SORCS2: variants seen among roughly 807,000 people sequenced by gnomAD.
The protein encoded by SORCS2 is sortilin related VPS10 domain containing receptor 2, also known as VPS10 domain-containing receptor SorCS2.
Under a neutral mutation model 141.6 loss-of-function variants are expected in SORCS2, and 100 were observed. The observed-to-expected ratio is 0.71, with a 90% confidence interval of 0.60 to 0.83. The LOEUF (loss-of-function observed/expected upper bound fraction) is 0.83, where lower values mean the gene tolerates loss of function less well. Among genes scored for constraint, SORCS2 ranks in the 40% least tolerant of loss-of-function variants. The pLI is 0.00. For missense variants in SORCS2, 1,646 were observed against 1,560.2 expected (o/e 1.05, Z -0.93); for synonymous variants, 789 against 676.9 (o/e 1.17, Z -2.57).
chr4:7,382,068 A>G, intron 1 of SORCS2: 1 of 802,088 alleles, frequency 1.2e-6, no homozygotes, highest in Non-Finnish European at 1.5e-6. Flanking sequence ...AGGCCCAGGC[A>G]TGAGGGGCTC....
chr4:7,428,393 G>A (rs922172839), intron 2 of SORCS2, among the ~76,000 whole-genome samples: 1 of 152,208 alleles, frequency 6.6e-6, no homozygotes, highest in African/African-American at 2.4e-5. Context: ...CTCTGTCTTG[G>A]TGACAGGACT....
intron 1 of SORCS2, among the ~76,000 whole-genome samples, chr4:7,227,596 G>A (rs1424963724): frequency 6.6e-6 from 1 of 152,224 alleles, no homozygotes; most frequent in Non-Finnish European, 1.5e-5. Flanking sequence ...CACACCTGGC[G>A]CCCCTCTGTG....
chr4:7,700,712 G>A lies in SORCS2; in HGVS notation c.1669-2568G>A, dbSNP rs528160941. Reference sequence around the variant, plus strand: ...ACTCCCCTGCCCCCGCTCCACCCCCGGGGGCAGACAGGGCCGTGAACCTCG... The same window carrying A: ...ACTCCCCTGCCCCCGCTCCACCCCCAGGGGCAGACAGGGCCGTGAACCTCG... On this transcript the variant is annotated intron_variant, in intron 12 of 26. Coordinates refer to ENST00000507866, the MANE Select transcript of SORCS2 (RefSeq NM_020777.3). Among the ~76,000 whole-genome samples, 6 of 152,276 alleles carry A rather than the reference G, an allele frequency of 3.9e-5. No individual in the cohort carries two copies. In the East Asian group the frequency reaches 5.8e-4, roughly 15 times the overall value.
At position 7,648,565 on chromosome 4, in the gene SORCS2, G is replaced by T. The variant is rs2108886870; in HGVS notation, c.814-5569G>T. 6.6e-6 allele frequency among the ~76,000 whole-genome samples: 1 copy of T among 152,222 alleles called. No homozygotes were observed. The highest frequency in any genetic ancestry group is 1.9e-4 in the East Asian group (1 of 5,152). Reference sequence around the variant, plus strand: ...ACAGACCAACCCCTGCCCTCGTGGGGCCTCCTTTCTAGATGAGGATGGGGG... The same window carrying T: ...ACAGACCAACCCCTGCCCTCGTGGGTCCTCCTTTCTAGATGAGGATGGGGG... On this transcript the variant is annotated intron_variant, in intron 4 of 26. Transcript: ENST00000507866. The surrounding 1 kb of genome is among the most constrained non-coding windows in gnomAD (Gnocchi z 4.2).
intron 2 of SORCS2, among the ~76,000 whole-genome samples, chr4:7,447,677 G>T (rs1728086431): frequency 6.6e-6 from 1 of 152,300 alleles, no homozygotes; most frequent in Non-Finnish European, 1.5e-5. Flanking sequence ...GGGTCCTCCA[G>T]GCTCAGCAGC....
intron 1 of SORCS2, among the ~76,000 whole-genome samples, chr4:7,290,280 T>C (rs1315944163): frequency 1.3e-5 from 2 of 152,158 alleles, no homozygotes; most frequent in Non-Finnish European, 2.9e-5. Context: ...GGCTGGCTGC[T>C]CTCTGAGTAG....
intron 2 of SORCS2, among the ~76,000 whole-genome samples, chr4:7,517,289 C>T (rs757165570): frequency 5.9e-5 from 9 of 152,248 alleles, no homozygotes; most frequent in East Asian, 1.9e-4. Flanking sequence ...CACAATCGCA[C>T]GACTCGAAGC....
At chr4:7,542,116 A>C (rs1041710577) in intron 3 of SORCS2, among the ~76,000 whole-genome samples, 10 of 152,194 alleles carry the variant, frequency 6.6e-5, no homozygotes, top group Non-Finnish European at 1.0e-4. Context: ...GCCAAACCAA[A>C]GGGGCCCATT....
intron 25 of SORCS2, among the ~76,000 whole-genome samples, chr4:7,736,635 G>A (rs555540973): frequency 3.3e-5 from 5 of 152,280 alleles, no homozygotes; most frequent in African/African-American, 7.2e-5. Context: ...CCCCCAGGAC[G>A]CCTGGATGGG....
chr4:7,417,771 C>G (rs1420380477), intron 2 of SORCS2, among the ~76,000 whole-genome samples: 2 of 152,320 alleles, frequency 1.3e-5, no homozygotes, highest in African/African-American at 4.8e-5. Context: ...ATGCAGAGAG[C>G]TGAGTCGCCC....
intron 1 of SORCS2, among the ~76,000 whole-genome samples, chr4:7,205,353 A>G (rs1264570304): frequency 6.6e-6 from 1 of 152,248 alleles, no homozygotes; most frequent in Non-Finnish European, 1.5e-5. Flanking sequence ...TCTCAGAATG[A>G]GGATTTTATA....
intron 3 of SORCS2, among the ~76,000 whole-genome samples, chr4:7,629,625 CT>C (rs1356385507): frequency 6.7e-6 from 1 of 148,856 alleles, no homozygotes; most frequent in African/African-American, 2.5e-5. Context: ...TAGGCCAGTT[CT>C]TTTTCCCACT....
At chr4:7,629,386 C>CGGATGTGGAACAAACAT (rs1289919633) in intron 3 of SORCS2, among the ~76,000 whole-genome samples, 1 of 152,088 alleles carries the variant, frequency 6.6e-6, no homozygotes, top group Non-Finnish European at 1.5e-5. Flanking sequence ...AGAGGGACCT[C>CGGATGTGGAACAAACAT]GGATGTGGAA....
intron 1 of SORCS2, among the ~76,000 whole-genome samples, chr4:7,391,579 C>G (rs1723867557): frequency 6.6e-6 from 1 of 152,144 alleles, no homozygotes; most frequent in African/African-American, 2.4e-5. Flanking sequence ...CTTCAGGGTT[C>G]TTTTCCTTCT....
At chr4:7,211,190 TTC>T (rs2108883882) in intron 1 of SORCS2, among the ~76,000 whole-genome samples, 1 of 134,574 alleles carries the variant, frequency 7.4e-6, no homozygotes, top group South Asian at 2.5e-4. Flanking sequence ...TTGGAAAAGC[TTC>T]TCAGAGGTGG....
At chr4:7,232,735 T>A (rs1003501663) in intron 1 of SORCS2, among the ~76,000 whole-genome samples, 3 of 152,288 alleles carry the variant, frequency 2.0e-5, no homozygotes, top group African/African-American at 7.2e-5. Flanking sequence ...GGAGCTGCCC[T>A]GGGCCCCCTC....
At chr4:7,247,067 A>C (rs992046435) in intron 1 of SORCS2, among the ~76,000 whole-genome samples, 1 of 152,074 alleles carries the variant, frequency 6.6e-6, no homozygotes, top group Non-Finnish European at 1.5e-5. Flanking sequence ...AAGGCCAGTG[A>C]GATGTTTGGT....
In SORCS2 at chr4:7,663,142, GTAAT is replaced by G. The variant is rs890573179; in HGVS notation, c.953-1209_953-1206del. On this transcript the variant is annotated intron_variant, in intron 6 of 26. Transcript: ENST00000507866. The surrounding 1 kb of genome is among the most constrained non-coding windows in gnomAD (Gnocchi z 4.8). The stretch of plus-strand genomic sequence containing the variant: ...AGTGAGTGGGTGAATAAGTGAGTGA[GTAAT>G]TGAAAGAGTGAGTGAGTGAATGAGT... Among the ~76,000 whole-genome samples, 8 of 151,964 alleles carry G rather than the reference GTAAT, an allele frequency of 5.3e-5. No homozygotes were observed. Among genetic ancestry groups the G allele is most frequent in the African/African-American group, 1.5e-4 (6 of 41,342 alleles).
intron 8 of SORCS2, among the ~76,000 whole-genome samples, chr4:7,671,806 G>GC (rs1258937252): frequency 6.6e-6 from 1 of 151,894 alleles, no homozygotes; most frequent in African/African-American, 2.4e-5. Flanking sequence ...AGAAATAATG[G>GC]CCCAAAACTC....
Sources: gnomAD v4.1 joint callset for allele counts (sites outside exome capture counted in the v4.1 genomes callset) on GRCh38, gnomAD v4.1.1 for gene constraint, Gnocchi (gnomAD v3.1) non-coding constraint, MANE v1.5 for transcripts, NCBI Gene and HGNC (gene_info 2026-07-23, HGNC 2026-07-21) for gene names.